The following MTFR1 variants were observed in gnomAD, a reference collection of about 807,000 sequenced individuals.
MTFR1 encodes chondrocyte protein with a poly-proline region.
In MTFR1, 28 loss-of-function variants were observed where a neutral mutation model predicts 38.8. The ratio of observed to expected loss-of-function variants is 0.72; its 90% CI spans 0.53 to 0.99. The LOEUF (loss-of-function observed/expected upper bound fraction) is 0.99, where lower values mean the gene tolerates loss of function less well. MTFR1 is among the 50% of genes least tolerant of loss of function. MTFR1 has a pLI of 0.00. For synonymous variants in MTFR1, 145 were observed against 137.0 expected, an observed-to-expected ratio of 1.06 and a Z score of -0.41; for missense variants, 358 against 395.5, an observed-to-expected ratio of 0.91 and a Z score of 0.81.
At chr8:65,707,804 T>G (rs756806680) in intron 6 of MTFR1, 39 bp from the exon 7 acceptor site, 1 of 1,601,528 alleles carries the variant, frequency 6.2e-7, no homozygotes, top group East Asian at 2.2e-5. Context: ...GTGGCCAGTG[T>G]ATTGATCTGT....
intron 2 of MTFR1, chr8:65,717,740 T>C (rs1292598361): frequency 2.0e-5 from 3 of 152,236 alleles, no homozygotes; most frequent in Non-Finnish European, 2.9e-5. Flanking sequence ...CATATTAAAA[T>C]GAGTATGGCA....
At position 65,705,051 on chromosome 8, in the gene MTFR1, T is replaced by C; in HGVS notation, c.517+122T>C. 3.5e-6 allele frequency: 3 copies of C among 863,136 alleles called. 1 individual carries two copies. Among genetic ancestry groups the C allele is most frequent in the South Asian group, 1.7e-5 (1 of 59,124 alleles). The allele number at this position is 863,136 out of a possible 1,614,324, so 53.5% of individuals were successfully genotyped here. ...CTTAGAAAACCAGGTGTCATCCAGG[T>C]ACGGTGGCGCATGCCTGTAATCCCA... On this transcript the variant is annotated intron_variant, in intron 5 of 7. Coordinates refer to ENST00000262146, the MANE Select transcript of MTFR1 (RefSeq NM_014637.4).
At chr8:65,738,206 C>T (rs976855227) in intron 3 of MTFR1, among the ~76,000 whole-genome samples, 6 of 152,060 alleles carry the variant, frequency 3.9e-5, no homozygotes, top group Non-Finnish European at 7.4e-5. Flanking sequence ...CTATAAAATG[C>T]TAATCATTAT....
At chr8:65,754,705 G>A (rs911494217) in intron 3 of MTFR1, among the ~76,000 whole-genome samples, 4 of 149,260 alleles carry the variant, frequency 2.7e-5, no homozygotes, top group African/African-American at 9.8e-5. Context: ...AGTGGCTCAC[G>A]CCTGTAATCC....
rs550664353 is a variant in MTFR1 at position 65,766,059 on chromosome 8, C to T, written c.*49-4888C>T. 2.6e-5 allele frequency among the ~76,000 whole-genome samples: 4 copies of T among 152,274 alleles called. No homozygotes were observed. The East Asian group carries it at 7.7e-4, about 29-fold the overall frequency. The stretch of plus-strand genomic sequence containing the variant: ...CTCTTGGGTTCATGCCATTCTCCTG[C>T]CTCAGCCTCCCGAGCAGCTGGGATT... On this transcript the variant is annotated intron_variant, in intron 3 of 3. Transcript: ENST00000521247.
chr8:65,719,513 A>C, intron 3 of MTFR1: 14 of 1,505,832 alleles, frequency 9.3e-6, no homozygotes, highest in Non-Finnish European at 1.3e-5. Context: ...AAATAGGAGA[A>C]AAAGTTATTA....
At chr8:65,663,787 CCTTCT>C (rs1211379135) in intron 1 of MTFR1, among the ~76,000 whole-genome samples, 5 of 148,564 alleles carry the variant, frequency 3.4e-5, no homozygotes, top group African/African-American at 9.9e-5. Flanking sequence ...CCCTCCCTTC[CCTTCT>C]CTTCTTCCTT....
Position 65,732,381 on chromosome 8 carries a change from G to A in MTFR1, c.*48+12900G>A, listed in dbSNP as rs376182871. ...CCCACTAGGATGTACACTTCATGAA[G>A]ACAGGGATCATTCCTGCCCTGCTCA... On this transcript the variant is annotated intron_variant, in intron 3 of 3. Coordinates refer to the MTFR1 transcript ENST00000521247. 2.0e-4 allele frequency among the ~76,000 whole-genome samples: 31 copies of A among 152,252 alleles called. 1 individual carries two copies. In the East Asian group the frequency reaches 2.9e-3, roughly 14 times the overall value.
intron 1 of MTFR1, among the ~76,000 whole-genome samples, chr8:65,654,757 T>C (rs1018005213): frequency 6.6e-6 from 1 of 152,108 alleles, no homozygotes; most frequent in Admixed American, 6.5e-5. Context: ...TTTAAATTTT[T>C]TGTAGAGATG....
chr8:65,740,622 G>C (rs182583274), intron 3 of MTFR1, among the ~76,000 whole-genome samples: 1 of 152,024 alleles, frequency 6.6e-6, no homozygotes, highest in South Asian at 2.1e-4. Context: ...GGCTGGTCTC[G>C]AACTCCTGAC....
At chr8:65,732,160 A>C (rs1356514224) in intron 3 of MTFR1, among the ~76,000 whole-genome samples, 1 of 151,886 alleles carries the variant, frequency 6.6e-6, no homozygotes, top group Non-Finnish European at 1.5e-5. Context: ...CACCATGCCC[A>C]GCTAATTTTT....
At position 65,709,038 on chromosome 8, in the gene MTFR1, C is replaced by A. The variant is rs1328433878; in HGVS notation, c.996C>A (p.Asp332Glu). 1 of 1,613,890 alleles carries A rather than the reference C, an allele frequency of 6.2e-7. No individual in the cohort carries two copies. The highest frequency in any genetic ancestry group is 8.5e-7 in the Non-Finnish European group (1 of 1,179,792). The change falls in exon 8 of 8, where the codon GAC (aspartate) becomes GAA (glutamate). Residue 332 changes from aspartate to glutamate, a missense_variant. By Grantham distance (45) the Asp-to-Glu change is conservative. Transcript: ENST00000262146. ...AGGCTTTAATTGAAAATGTATCAGA[C>A]TCCTAATAGACAATGAGCTGCGAAA... ...KMKALIENVSDS is the reference protein window; with the variant it reads ...KMKALIENVSES
At chr8:65,707,745 G>A in intron 6 of MTFR1, 98 bp from the exon 7 acceptor site, 1 of 1,447,714 alleles carries the variant, frequency 6.9e-7, no homozygotes, top group East Asian at 2.3e-5. Context: ...TAGCTATGAT[G>A]CTGGAGAGGT....
intron 1 of MTFR1, among the ~76,000 whole-genome samples, chr8:65,653,329 T>C (rs1281508760): frequency 1.3e-5 from 2 of 152,046 alleles, no homozygotes; most frequent in Admixed American, 6.6e-5. Flanking sequence ...CTGACCAGTG[T>C]GGTGAAACTC....
downstream of MTFR1, among the ~76,000 whole-genome samples, chr8:65,771,607 G>A (rs1362198625): frequency 6.6e-6 from 1 of 152,140 alleles, no homozygotes; most frequent in African/African-American, 2.4e-5. Flanking sequence ...CTCACGCGGT[G>A]GCTCACGCAT....
At chr8:65,750,916 A>G (rs887845475) in intron 3 of MTFR1, among the ~76,000 whole-genome samples, 1 of 152,240 alleles carries the variant, frequency 6.6e-6, no homozygotes, top group Non-Finnish European at 1.5e-5. Context: ...TTGACTCACA[A>G]GGAAATGATC....
chr8:65,708,078 T>G, intron 7 of MTFR1, 67 bp downstream of exon 7: 1 of 1,605,248 alleles, frequency 6.2e-7, no homozygotes. Context: ...GCACTTGCAT[T>G]TTGCAAGTGA....
At chr8:65,707,307 C>T in intron 6 of MTFR1, 51 bp downstream of exon 6, 1 of 1,566,224 alleles carries the variant, frequency 6.4e-7, no homozygotes, top group Non-Finnish European at 8.7e-7. Context: ...CTTATAAAAC[C>T]AAAGTACCAG....
At chr8:65,743,286 G>A (rs1807522407) in intron 3 of MTFR1, among the ~76,000 whole-genome samples, 1 of 152,114 alleles carries the variant, frequency 6.6e-6, no homozygotes. Context: ...TTCACTACCT[G>A]TATTTTCAAA....
Sources: allele counts gnomAD v4.1 joint callset (sites outside exome capture counted in the v4.1 genomes callset), GRCh38; gene constraint gnomAD v4.1.1; transcripts MANE v1.5; gene names NCBI Gene and HGNC (gene_info 2026-07-23, HGNC 2026-07-21).